The following MGA variants were observed in gnomAD, a reference collection of about 807,000 sequenced individuals.
MGA encodes the protein MAX dimerization protein MGA, also known as MAX gene-associated protein.
Under a neutral mutation model 261.1 loss-of-function variants are expected in MGA, and 40 were observed. That is an observed-to-expected ratio of 0.15 (90% CI 0.12 to 0.20). The LOEUF is 0.20. Ranked by LOEUF, MGA falls within the 10% of genes least tolerant of loss-of-function variation. The pLI is 1.00. For missense variants in MGA, 3,397 were observed against 3,630.5 expected (o/e 0.94, Z 1.65); for synonymous variants, 1,302 against 1,290.6 (o/e 1.01, Z -0.19).
chr15:41,704,453 A>T (rs2060006632), intron 5 of MGA, among the ~76,000 whole-genome samples: 1 of 152,160 alleles, frequency 6.6e-6, no homozygotes, highest in Non-Finnish European at 1.5e-5. Context: ...AGGTCAGGAG[A>T]TCGAGACCAT....
At chr15:41,713,007 C>G in intron 8 of MGA, 144 bp from the exon 9 acceptor site, 2 of 1,221,038 alleles carry the variant, frequency 1.6e-6, no homozygotes, top group Non-Finnish European at 2.3e-6. Context: ...TGGTTAGATT[C>G]ATGTTCTGTC....
At chr15:41,762,020 C>T (rs2063487543) in intron 21 of MGA, 109 bp from the exon 22 acceptor site, 2 of 1,072,710 alleles carry the variant, frequency 1.9e-6, no homozygotes, top group Admixed American at 2.5e-5. Flanking sequence ...AATCACCTTA[C>T]TTTCCATAGT....
rs781031160 is a variant in MGA, at chr15:41,669,341, A to G, written c.447A>G (p.Glu149=). The stretch of plus-strand genomic sequence containing the variant: ...GGTGGGAACCTAGTGGGAAGGCTGA[A>G]CCTCATGTTTTGGGGAGGGTTTTCA... The change falls in exon 2 of 24, where the codon GAA becomes GAG. Residue 149 remains glutamate, a synonymous_variant. Transcript: ENST00000219905. The G allele has an allele frequency of 1.1e-5, 17 of 1,613,856 alleles. No homozygotes were observed. The highest frequency in any genetic ancestry group is 1.4e-5 in the Non-Finnish European group (16 of 1,179,882).
intron 9 of MGA, among the ~76,000 whole-genome samples, chr15:41,715,832 A>C (rs1483568506): frequency 6.6e-6 from 1 of 152,202 alleles, no homozygotes; most frequent in African/African-American, 2.4e-5. Flanking sequence ...AGCATAGTGT[A>C]GATTTATTAG....
In MGA at chr15:41,668,959, C is replaced by T; in HGVS notation, c.65C>T (p.Pro22Leu). The change falls in exon 2 of 24, where the codon CCT becomes CTT. Residue 22 changes from proline to leucine, a missense_variant. Physicochemically the swap from Pro to Leu is moderately conservative, Grantham distance 98. This residue lies in a region of MGA where 81 missense variants were observed against 84.3 expected (regional missense o/e 0.96). Coordinates refer to ENST00000219905, the MANE Select transcript of MGA (RefSeq NM_001164273.2). ...GGTGGAACAGTGGCAGGAGCAGCAC[C>T]TACCTTCTTTGTCATCTTAAAGCAG... 4 of 1,611,334 alleles carry T rather than the reference C, an allele frequency of 2.5e-6. No homozygotes were observed. The highest frequency in any genetic ancestry group is 3.4e-6 in the Non-Finnish European group (4 of 1,177,952).
intron 9 of MGA, among the ~76,000 whole-genome samples, chr15:41,725,909 T>A (rs1254451015): frequency 1.3e-5 from 2 of 152,078 alleles, no homozygotes; most frequent in African/African-American, 4.8e-5. Context: ...AACCTAGATC[T>A]TCTTTTTAAT....
intron 2 of MGA, among the ~76,000 whole-genome samples, chr15:41,670,436 G>C (rs1025134127): frequency 6.6e-6 from 1 of 152,198 alleles, no homozygotes; most frequent in African/African-American, 2.4e-5. Context: ...AGGGGGTAGA[G>C]AGAGACTGAA....
Position 41,749,185 on chromosome 15 carries a change from G to A in MGA, c.5578G>A (p.Ala1860Thr), listed in dbSNP as rs1259002207. 6.2e-7 allele frequency: 1 copy of A among 1,613,848 alleles called. No individual in the cohort carries two copies. The highest frequency in any genetic ancestry group is 2.2e-5 in the East Asian group (1 of 44,892). ...TCCGCCATCTTCCACTTCGTCCTCT[G>A]CTTTCTCTGTCATGAATCCTGTAAT... Residue 1860 changes from alanine (A) to threonine (T), a missense_variant, in exon 17 of 24, where the codon GCT becomes ACT. Coordinates refer to ENST00000219905, the MANE Select transcript of MGA (RefSeq NM_001164273.2).
At chr15:41,705,966 C>T (rs909130016) in intron 5 of MGA, among the ~76,000 whole-genome samples, 6 of 151,898 alleles carry the variant, frequency 4.0e-5, no homozygotes, top group African/African-American at 1.5e-4. Context: ...AGGCCAGGTG[C>T]GGTGGCTCAG....
chr15:41,656,431 C>T (rs2057197289), upstream of MGA, among the ~76,000 whole-genome samples: 2 of 148,960 alleles, frequency 1.3e-5, no homozygotes, highest in Admixed American at 6.9e-5. Flanking sequence ...AACCTCTGCC[C>T]CCTGGGCTTA....
At chr15:41,728,354 A>ATTTC (rs2151698593) in intron 10 of MGA, among the ~76,000 whole-genome samples, 1 of 152,160 alleles carries the variant, frequency 6.6e-6, no homozygotes, top group Admixed American at 6.6e-5. Flanking sequence ...ACAAAACCTG[A>ATTTC]AAAAGGCAAG....
At chr15:41,690,996 T>TTG (rs1555413912) in intron 2 of MGA, among the ~76,000 whole-genome samples, 3 of 85,092 alleles carry the variant, frequency 3.5e-5, no homozygotes, top group Admixed American at 1.1e-4. Context: ...ATTGCTTTGT[T>TTG]TTTTTTTTTT....
intron 12 of MGA, among the ~76,000 whole-genome samples, chr15:41,735,059 C>T (rs1456510383): frequency 6.6e-6 from 1 of 152,138 alleles, no homozygotes; most frequent in African/African-American, 2.4e-5. Flanking sequence ...TTTGGTTATG[C>T]TTCCCGAGAC....
intron 7 of MGA, among the ~76,000 whole-genome samples, chr15:41,708,968 A>T (rs553440761): frequency 5.7e-4 from 86 of 152,152 alleles, no homozygotes; most frequent in African/African-American, 2.0e-3. Flanking sequence ...TTTCCAAAAT[A>T]CTTTTCTCAC....
chr15:41,700,205 C>T (rs1595777408), intron 5 of MGA, among the ~76,000 whole-genome samples: 2 of 151,708 alleles, frequency 1.3e-5, no homozygotes, highest in African/African-American at 2.4e-5. Flanking sequence ...CTACCATGCC[C>T]GGCTAATTTT....
rs556896390 is a variant in MGA at position 41,761,708 on chromosome 15, A to G, written c.7399-31A>G. 7.1e-6 allele frequency: 10 copies of G among 1,414,076 alleles called. No individual in the cohort carries two copies. The Admixed American group carries it at 8.3e-5, about 12-fold the overall frequency. 87.6% of individuals were successfully genotyped at this position (1,414,076 alleles called of 1,614,324 possible). On this transcript the variant is annotated intron_variant, in intron 20 of 23. Transcript: ENST00000219905. Reference sequence around the variant, plus strand: ...CTGTGTTTAAAGAAAGAGTGGATCAATTTTCAATAATACCACTATTTGTAT... The same window carrying G: ...CTGTGTTTAAAGAAAGAGTGGATCAGTTTTCAATAATACCACTATTTGTAT...
intron 13 of MGA, among the ~76,000 whole-genome samples, chr15:41,737,058 G>A (rs982238821): frequency 1.3e-5 from 2 of 152,134 alleles, no homozygotes; most frequent in Non-Finnish European, 2.9e-5. Flanking sequence ...TAGCAGATAG[G>A]TTTCAAAACA....
At chr15:41,667,959 A>T (rs1178791019) in intron 1 of MGA, among the ~76,000 whole-genome samples, 1 of 151,770 alleles carries the variant, frequency 6.6e-6, no homozygotes, top group Non-Finnish European at 1.5e-5. Context: ...GTGCACCACC[A>T]CACCAGGCTA....
At chr15:41,692,648 A>G (rs1444472988) in intron 2 of MGA, among the ~76,000 whole-genome samples, 1 of 152,164 alleles carries the variant, frequency 6.6e-6, no homozygotes, top group Non-Finnish European at 1.5e-5. Flanking sequence ...TGGTTATGGC[A>G]AAAGTGATGA....
Sources: allele counts gnomAD v4.1 joint callset (sites outside exome capture counted in the v4.1 genomes callset), GRCh38; gene constraint gnomAD v4.1.1; regional missense constraint gnomAD v4.1.1; transcripts MANE v1.5; gene names NCBI Gene and HGNC (gene_info 2026-07-23, HGNC 2026-07-21).